SEH1L: variants seen among roughly 807,000 people sequenced by gnomAD.
The protein encoded by SEH1L is SEH1 like nucleoporin.
Under a neutral mutation model 49.5 loss-of-function variants are expected in SEH1L, and 18 were observed. That is an observed-to-expected ratio of 0.36 (90% CI 0.25 to 0.54). SEH1L has a LOEUF of 0.54. SEH1L is among the 20% of genes least tolerant of loss of function. The pLI is 0.87. For synonymous variants in SEH1L, 169 were observed against 178.1 expected, an observed-to-expected ratio of 0.95 and a Z score of 0.41; for missense variants, 404 against 528.8, an observed-to-expected ratio of 0.76 and a Z score of 2.31.
At chr18:12,980,708 T>C (rs549625750) in intron 6 of SEH1L, among the ~76,000 whole-genome samples, 64 of 31,476 alleles carry the variant, frequency 2.0e-3, no homozygotes, top group East Asian at 4.5e-3. Context: ...CACCCCCCAC[T>C]TCCCTCCCGG....
intron 3 of SEH1L, among the ~76,000 whole-genome samples, chr18:12,959,149 C>T (rs530379084): frequency 5.9e-5 from 9 of 152,228 alleles, no homozygotes; most frequent in Non-Finnish European, 1.0e-4. Context: ...TGTATGTCTT[C>T]CTGGGGAAAA....
intron 1 of SEH1L, 163 bp downstream of exon 1, chr18:12,948,395 G>T (rs1294610973): frequency 1.7e-5 from 9 of 530,542 alleles, no homozygotes; most frequent in Non-Finnish European, 2.3e-5. Context: ...CCCCGCCCGC[G>T]TATTGTGGGG....
Position 12,982,694 on chromosome 18 carries a change from G to T in SEH1L, c.919+19G>T, listed in dbSNP as rs749267810. The stretch of plus-strand genomic sequence containing the variant: ...TGGAAAGGTAAGAGTTCAGTGAAGG[G>T]GTAATTGTTGGTTTATATTTCTGCT... On this transcript the variant is annotated intron_variant, in intron 7 of 8. Transcript: ENST00000399892. 1.0e-5 allele frequency: 16 copies of T among 1,550,376 alleles called. No individual in the cohort carries two copies. The highest frequency in any genetic ancestry group is 1.4e-5 in the African/African-American group (1 of 72,418).
chr18:12,949,322 C>A (rs1026504461), intron 1 of SEH1L, among the ~76,000 whole-genome samples: 1 of 151,234 alleles, frequency 6.6e-6, no homozygotes, highest in South Asian at 2.1e-4. Context: ...TTTTCACATT[C>A]GAGTTTGATA....
chr18:12,958,715 G>A (rs923507376), intron 3 of SEH1L, among the ~76,000 whole-genome samples: 5 of 152,148 alleles, frequency 3.3e-5, no homozygotes, highest in African/African-American at 1.2e-4. Context: ...ATTCCATTGT[G>A]TGTGTATACC....
At chr18:12,970,847 A>C (rs571026987) in intron 4 of SEH1L, among the ~76,000 whole-genome samples, 19 of 152,360 alleles carry the variant, frequency 1.2e-4, no homozygotes, top group African/African-American at 4.3e-4. Context: ...AAGACCTCTT[A>C]AGTATCTTTT....
At chr18:12,986,804 T>G (rs1053652591) in intron 8 of SEH1L, 58 bp from the exon 9 acceptor site, 3 of 1,154,724 alleles carry the variant, frequency 2.6e-6, no homozygotes, top group Non-Finnish European at 3.2e-6. Context: ...TTTTCTTGTG[T>G]TTTTTTTTTC....
chr18:12,950,806 T>C (rs1289631236), intron 1 of SEH1L, among the ~76,000 whole-genome samples: 4 of 152,176 alleles, frequency 2.6e-5, no homozygotes, highest in Non-Finnish European at 5.9e-5. Flanking sequence ...TCTATATTTT[T>C]TCTGGGTAAT....
rs557153968 is a variant in SEH1L, at chr18:12,960,577, A to T, written c.310-2583A>T. 6.6e-5 allele frequency among the ~76,000 whole-genome samples: 10 copies of T among 152,322 alleles called. No homozygotes were observed. In the South Asian group the frequency reaches 2.1e-3, roughly 32 times the overall value. On this transcript the variant is annotated intron_variant, in intron 3 of 8. Coordinates refer to ENST00000399892, the MANE Select transcript of SEH1L (RefSeq NM_001013437.2). ...TTACAGCTCTTCTCAGGGGAGGAGTATGTCTGATTGCCTTTGCACTAGGGC... is the reference window on the plus strand; with the variant it reads ...TTACAGCTCTTCTCAGGGGAGGAGTTTGTCTGATTGCCTTTGCACTAGGGC...
chr18:12,985,722 G>A, intron 8 of SEH1L: 1 of 951,294 alleles, frequency 1.1e-6, no homozygotes, highest in Non-Finnish European at 1.3e-6. Context: ...TATAAAGATT[G>A]TTTTGAGTGC....
chr18:12,951,473 C>T (rs1204015890), intron 1 of SEH1L, among the ~76,000 whole-genome samples: 1 of 152,176 alleles, frequency 6.6e-6, no homozygotes, highest in East Asian at 1.9e-4. Flanking sequence ...TCACTGCGAC[C>T]TCCGCCTCTG....
Position 12,971,634 on chromosome 18 carries a change from C to CAAAAA in SEH1L, c.620+390_620+394dup, listed in dbSNP as rs563028729. 39 of 131,010 alleles carry CAAAAA rather than the reference C, an allele frequency of 3.0e-4. 9 individuals carry two copies. Among genetic ancestry groups the CAAAAA allele is most frequent in the Admixed American group, 4.8e-4 (6 of 12,438 alleles). The allele number at this position is 131,010 out of a possible 1,614,324, so 8.1% of individuals were successfully genotyped here. ...GGGCAACAAGAGCGAAACCCTGCCT[C>CAAAAA]AAAAAAAAAAAGAGGAGAAGGTAAT... On this transcript the variant is annotated intron_variant, in intron 5 of 8. Coordinates refer to ENST00000399892, the MANE Select transcript of SEH1L (RefSeq NM_001013437.2).
At chr18:12,949,711 C>T (rs2030394613) in intron 1 of SEH1L, among the ~76,000 whole-genome samples, 1 of 152,084 alleles carries the variant, frequency 6.6e-6, no homozygotes, top group Admixed American at 6.5e-5. Flanking sequence ...CCTCGGCCTC[C>T]CAAAGTGCTA....
intron 8 of SEH1L, 119 bp downstream of exon 8, chr18:12,984,309 G>A (rs1411356563): frequency 4.7e-6 from 5 of 1,055,860 alleles, no homozygotes; most frequent in Admixed American, 2.1e-5. Flanking sequence ...ACATGTGCTT[G>A]TATTAGCATT....
At chr18:12,980,300 A>T (rs1299113975) in intron 6 of SEH1L, among the ~76,000 whole-genome samples, 220 of 84,514 alleles carry the variant, frequency 2.6e-3, no homozygotes, top group Middle Eastern at 0.012. Flanking sequence ...GGGGCTCCTC[A>T]CTTCCCAGTA....
At chr18:12,980,058 C>T (rs1218440560) in intron 6 of SEH1L, among the ~76,000 whole-genome samples, 17 of 116,780 alleles carry the variant, frequency 1.5e-4, no homozygotes, top group Middle Eastern at 6.8e-3. Flanking sequence ...CCCTCCTGGA[C>T]GGGGCGGCTG....
chr18:12,950,558 A>G (rs1190092254), intron 1 of SEH1L, among the ~76,000 whole-genome samples: 2 of 152,190 alleles, frequency 1.3e-5, no homozygotes, highest in African/African-American at 4.8e-5. Flanking sequence ...ATGTCTTGTC[A>G]GAAATAGTGT....
At chr18:12,968,273 A>G (rs1238956230) in intron 4 of SEH1L, among the ~76,000 whole-genome samples, 1 of 152,158 alleles carries the variant, frequency 6.6e-6, no homozygotes, top group African/African-American at 2.4e-5. Context: ...GTGGGTTGAC[A>G]GGGTTTCCTA....
intron 1 of SEH1L, 99 bp from the exon 2 acceptor site, chr18:12,951,756 A>G (rs899466938): frequency 3.1e-5 from 22 of 720,986 alleles, no homozygotes; most frequent in Admixed American, 2.9e-4. Context: ...TGTTAACTAT[A>G]TGTTCACCGC....
Sources: gnomAD v4.1 joint callset for allele counts (sites outside exome capture counted in the v4.1 genomes callset) on GRCh38, gnomAD v4.1.1 for gene constraint, MANE v1.5 for transcripts, NCBI Gene and HGNC (gene_info 2026-07-23, HGNC 2026-07-21) for gene names.